Variants in SLC27A1 observed in about 807,000 individuals in gnomAD.
SLC27A1 encodes the protein long-chain fatty acid transport protein 1.
SLC27A1 carries 61 observed loss-of-function variants against 62.2 expected under a neutral mutation model. That is an observed-to-expected ratio of 0.98 (90% CI 0.80 to 1.21). SLC27A1 has a LOEUF of 1.21. Ranked by LOEUF, SLC27A1 falls within the 50% of genes most tolerant of loss-of-function variation. The pLI is 0.00. For synonymous variants in SLC27A1, 435 were observed against 408.6 expected (o/e 1.06, Z -0.78); for missense variants, 903 against 932.1 (o/e 0.97, Z 0.41).
At chr19:17,470,344 G>A, upstream of SLC27A1, 1 of 602,268 alleles carries the variant, frequency 1.7e-6, no homozygotes, top group South Asian at 2.7e-5. Context: ...AAGGGGCGAT[G>A]CCTGGCCTGA....
intron 6 of SLC27A1, among the ~76,000 whole-genome samples, chr19:17,492,878 C>T (rs916439271): frequency 6.6e-6 from 1 of 151,472 alleles, no homozygotes; most frequent in African/African-American, 2.4e-5. Context: ...GTGGAAGTTG[C>T]AGTGAGAGCC....
At chr19:17,498,167 G>C (rs1446032860) in intron 7 of SLC27A1, 1 of 152,416 alleles carries the variant, frequency 6.6e-6, no homozygotes, top group Non-Finnish European at 1.5e-5. Flanking sequence ...CCAGGAGTTT[G>C]AGACCAGCAT....
chr19:17,476,883 G>GT (rs71162144), intron 1 of SLC27A1, among the ~76,000 whole-genome samples: 22,961 of 126,834 alleles, frequency 0.18, 3,434 homozygotes, highest in Non-Finnish European at 0.27. Context: ...ATGATCATCT[G>GT]TTTTTTTTTT....
chr19:17,480,543 T>TTTC (rs981611459), intron 1 of SLC27A1, among the ~76,000 whole-genome samples: 7 of 142,112 alleles, frequency 4.9e-5, no homozygotes, highest in South Asian at 4.5e-4. Flanking sequence ...ATTTTTTTCT[T>TTTC]TTTTTTTTTT....
rs376449154 is a variant in SLC27A1, at chr19:17,504,877, CTT to C, written c.*269_*270del. 3.7e-4 allele frequency: 244 copies of C among 656,600 alleles called. 5 individuals are homozygous for C. Among genetic ancestry groups the C allele is most frequent in the South Asian group, 2.9e-3 (191 of 66,054 alleles). The allele number at this position is 656,600 out of a possible 1,614,324, so 40.7% of individuals were successfully genotyped here. A position where few individuals can be genotyped will look rare whatever the true frequency, so the allele number is the denominator to read the frequency against. On this transcript the variant is annotated 3_prime_UTR_variant, in exon 12 of 12. Transcript: ENST00000252595. ...CCCTGTCTGGCCTTAACTCTTCCCT[CTT>C]TTTCTTTTCTTTCTTTCTTTCTTTT...
Position 17,487,318 on chromosome 19 carries a change from C to T in SLC27A1, c.707C>T (p.Pro236Leu). The T allele has an allele frequency of 6.2e-7, 1 of 1,611,874 alleles. No homozygotes were observed. The highest frequency in any genetic ancestry group is 2.2e-5 in the East Asian group (1 of 44,798). ...TCTACTGCCCCCTTGGCACAGATCC[C>T]CAGCAAGGGCATGGACGGTGAGTCA... ...EASTAPLAQIPSKGMDDRLFY... is the reference protein window; with the variant it reads ...EASTAPLAQILSKGMDDRLFY... Residue 236 changes from proline to leucine, a missense_variant, in exon 3 of 12, where the codon CCC becomes CTC. Physicochemically the swap from Pro to Leu is moderately conservative, Grantham distance 98 (BLOSUM62 -3). Transcript: ENST00000252595.
chr19:17,497,351 G>C lies in SLC27A1; in HGVS notation c.1093G>C (p.Gly365Arg), dbSNP rs1428326031. ...RHRVRLAVGN[G>R]LRPAIWEEFT... ...CCGCGTGCGCCTGGCGGTGGGGAAC[G>C]GGCTGCGTCCTGCCATCTGGGAGGA... Residue 365 changes from glycine to arginine, a missense_variant, in exon 7 of 12, where the codon GGG becomes CGG. Gly to Arg is a moderately radical substitution (Grantham distance 125). Transcript: ENST00000252595. 3.7e-6 allele frequency: 6 copies of C among 1,601,646 alleles called. No individual in the cohort carries two copies. The highest frequency in any genetic ancestry group is 5.1e-6 in the Non-Finnish European group (6 of 1,176,346).
chr19:17,469,077 G>C (rs1327190176), upstream of SLC27A1: 1 of 152,290 alleles, frequency 6.6e-6, no homozygotes, highest in African/African-American at 2.4e-5. Context: ...GGAGCATCTA[G>C]GACCCCGGGG....
At chr19:17,468,945 C>T (rs984959484), upstream of SLC27A1, 1 of 152,588 alleles carries the variant, frequency 6.6e-6, no homozygotes, top group Non-Finnish European at 1.5e-5. Context: ...CGGCCTCAGC[C>T]TCCTAGTCCC....
Position 17,500,645 on chromosome 19 carries a change from C to A in SLC27A1, c.1471+13C>A, listed in dbSNP as rs758534249. ...GCCTACCTCTCAGGTGCGCAGCCTG[C>A]TAGGCCCCGGTGACTGGCTGTGCGG... On this transcript the variant is annotated intron_variant, in intron 9 of 11. Coordinates refer to ENST00000252595, the MANE Select transcript of SLC27A1 (RefSeq NM_198580.3). 6.2e-7 allele frequency: 1 copy of A among 1,613,884 alleles called. No individual in the cohort carries two copies. The highest frequency in any genetic ancestry group is 1.1e-5 in the South Asian group (1 of 91,078).
chr19:17,500,828 C>G lies in SLC27A1; in HGVS notation c.1588C>G (p.Arg530Gly). The G allele has an allele frequency of 6.2e-7, 1 of 1,611,028 alleles. No individual in the cohort carries two copies. The highest frequency in any genetic ancestry group is 1.1e-5 in the South Asian group (1 of 90,896). The change falls in exon 10 of 12, where the codon CGC becomes GGC. Residue 530 changes from arginine (R) to glycine (G), a missense_variant. Physicochemically the swap from Arg to Gly is moderately radical, Grantham distance 125. Coordinates refer to ENST00000252595, the MANE Select transcript of SLC27A1 (RefSeq NM_198580.3). Reference protein sequence around the residue: ...STTEVEGVLSRLLGQTDVAVY... With the variant: ...STTEVEGVLSGLLGQTDVAVY... ...CACCGAGGTGGAGGGCGTGCTGAGCCGCCTGCTGGGCCAGACAGACGTGGC... is the reference window on the plus strand; with the variant it reads ...CACCGAGGTGGAGGGCGTGCTGAGCGGCCTGCTGGGCCAGACAGACGTGGC...
At chr19:17,488,757 C>T in intron 4 of SLC27A1, 91 bp from the exon 5 acceptor site, 1 of 1,194,894 alleles carries the variant, frequency 8.4e-7, no homozygotes, top group Non-Finnish European at 1.2e-6. Context: ...CTGGCTTTGC[C>T]TGGGTCCACA....
chr19:17,500,973 A>G, intron 10 of SLC27A1, 97 bp downstream of exon 10: 1 of 1,332,622 alleles, frequency 7.5e-7, no homozygotes, highest in South Asian at 1.5e-5. Context: ...GCAGTGCACA[A>G]CCTGGACAAC....
chr19:17,487,413 ACC>A, intron 3 of SLC27A1, 45 bp from the exon 4 acceptor site: 1 of 221,500 alleles, frequency 4.5e-6, no homozygotes, highest in Non-Finnish European at 5.7e-6. Flanking sequence ...TCCAGGCCCC[ACC>A]CCCCAATGCT....
intron 11 of SLC27A1, among the ~76,000 whole-genome samples, chr19:17,502,329 AAT>A (rs1225025909): frequency 4.0e-4 from 54 of 136,418 alleles, no homozygotes; most frequent in Non-Finnish European, 8.2e-4. Context: ...AGCATTCTGA[AAT>A]AGTGTTTTTT....
rs146832984 is a variant in SLC27A1 at position 17,487,313 on chromosome 19, G to A, written c.702G>A (p.Gln234=). The A allele has an allele frequency of 6.2e-4, 998 of 1,612,432 alleles. No homozygotes were observed. Among genetic ancestry groups the A allele is most frequent in the South Asian group, 2.6e-3 (237 of 90,872 alleles). The change falls in exon 3 of 12, where the codon CAG becomes CAA. Residue 234 remains glutamine, a synonymous_variant. Coordinates refer to ENST00000252595, the MANE Select transcript of SLC27A1 (RefSeq NM_198580.3). Reference sequence around the variant, plus strand: ...AGGCCTCTACTGCCCCCTTGGCACAGATCCCCAGCAAGGGCATGGACGGTG... The same window carrying A: ...AGGCCTCTACTGCCCCCTTGGCACAAATCCCCAGCAAGGGCATGGACGGTG... ...LKEASTAPLA[Q]IPSKGMDDRL...
chr19:17,488,997 A>G lies in SLC27A1; in HGVS notation c.887-11A>G, dbSNP rs780484072. 1 of 1,613,826 alleles carries G rather than the reference A, an allele frequency of 6.2e-7. No homozygotes were observed. On this transcript the variant is annotated splice_polypyrimidine_tract_variant and intron_variant, in intron 5 of 11. Coordinates refer to ENST00000252595, the MANE Select transcript of SLC27A1 (RefSeq NM_198580.3). ...GGGCGGGGGACCCCTTACCAAGGCCACCCTCTGCAGGAAACATCATCGGCG... is the reference window on the plus strand; with the variant it reads ...GGGCGGGGGACCCCTTACCAAGGCCGCCCTCTGCAGGAAACATCATCGGCG...
At chr19:17,493,478 A>G (rs1198470588) in intron 6 of SLC27A1, among the ~76,000 whole-genome samples, 1 of 149,814 alleles carries the variant, frequency 6.7e-6, no homozygotes, top group Non-Finnish European at 1.5e-5. Flanking sequence ...GGTGATGTTT[A>G]ATAAGGACAC....
chr19:17,470,681 C>G lies in SLC27A1; in HGVS notation c.141C>G (p.Val47=), dbSNP rs761407261. 28 of 1,582,114 alleles carry G rather than the reference C, an allele frequency of 1.8e-5. No homozygotes were observed. The highest frequency in any genetic ancestry group is 2.1e-5 in the Non-Finnish European group (25 of 1,170,406). The part of the protein sequence containing the change: ...GSGGWRFLRI[V]CKTARRDLFG... ...GCGGCTGGCGCTTCCTGCGCATCGT[C>G]TGCAAGACCGCGAGGCGAGACCTCT... Residue 47 remains valine, a synonymous_variant, in exon 1 of 12, where the codon GTC becomes GTG. Transcript: ENST00000252595.
Sources: allele counts gnomAD v4.1 joint callset (sites outside exome capture counted in the v4.1 genomes callset), GRCh38; gene constraint gnomAD v4.1.1; transcripts MANE v1.5; gene names NCBI Gene and HGNC (gene_info 2026-07-23, HGNC 2026-07-21).